The following AGK variants were observed in gnomAD, a reference collection of about 807,000 sequenced individuals.
AGK encodes acylglycerol kinase.
A neutral mutation model predicts 66.4 loss-of-function variants in AGK; 52 were observed. The observed-to-expected ratio is 0.78, with a 90% CI of 0.63 to 0.99. The LOEUF (loss-of-function observed/expected upper bound fraction) is 0.99, where lower values mean the gene tolerates loss of function less well. Ranked by LOEUF, AGK falls within the 50% of genes least tolerant of loss-of-function variation. The probability of loss-of-function intolerance (pLI) is 0.00; values close to 1 mark genes in which losing one functional copy is unlikely to be tolerated. For missense variants in AGK, 451 were observed against 506.6 expected, an observed-to-expected ratio of 0.89 and a Z score of 1.05; for synonymous variants, 182 against 181.1, an observed-to-expected ratio of 1.00 and a Z score of -0.04.
At chr7:141,648,802 T>G (rs965039857) in intron 13 of AGK, among the ~76,000 whole-genome samples, 3 of 152,200 alleles carry the variant, frequency 2.0e-5, no homozygotes, top group African/African-American at 7.2e-5. Flanking sequence ...CACACCAAAT[T>G]TGTATGTAGA....
chr7:141,610,540 C>A lies in AGK; in HGVS notation c.298-655C>A, dbSNP rs115445131. Among the ~76,000 whole-genome samples the A allele has an allele frequency of 1.0e-2, 1,518 of 152,230 alleles. 25 individuals carry two copies. Among genetic ancestry groups the A allele is most frequent in the African/African-American group, 0.035 (1,447 of 41,534 alleles). On this transcript the variant is annotated intron_variant, in intron 5 of 15. Coordinates refer to ENST00000649286, the MANE Select transcript of AGK (RefSeq NM_018238.4). ...GTAAGTCTTAGGCATTGTTTTGTGACTACTTTGAATCCTACCTGTATTTCT... is the reference window on the plus strand; with the variant it reads ...GTAAGTCTTAGGCATTGTTTTGTGAATACTTTGAATCCTACCTGTATTTCT...
chr7:141,606,290 T>C (rs1165114465), intron 5 of AGK, among the ~76,000 whole-genome samples: 2 of 152,186 alleles, frequency 1.3e-5, no homozygotes, highest in Non-Finnish European at 2.9e-5. Flanking sequence ...GTTTAAACAT[T>C]TCCGGTTTCT....
At chr7:141,641,213 T>G (rs745691238) in intron 11 of AGK, 35 bp from the exon 12 acceptor site, 2 of 1,593,122 alleles carry the variant, frequency 1.3e-6, no homozygotes, top group South Asian at 2.3e-5. Context: ...GAATTGTACA[T>G]GCATAACAAA....
intron 9 of AGK, among the ~76,000 whole-genome samples, chr7:141,629,441 A>T (rs540566887): frequency 6.6e-6 from 1 of 152,036 alleles, no homozygotes; most frequent in Non-Finnish European, 1.5e-5. Flanking sequence ...TTGACTGCCT[A>T]CCCAGATGAG....
chr7:141,613,522 G>A (rs1041496184), intron 6 of AGK, among the ~76,000 whole-genome samples: 5 of 152,170 alleles, frequency 3.3e-5, no homozygotes, highest in Admixed American at 2.6e-4. Flanking sequence ...GGGAGGCTGA[G>A]GCAGGAGAAT....
chr7:141,578,345 T>C (rs897766057), intron 2 of AGK, among the ~76,000 whole-genome samples: 2 of 151,806 alleles, frequency 1.3e-5, no homozygotes, highest in African/African-American at 4.9e-5. Context: ...CACAAGGTAA[T>C]GTCATCAGTT....
intron 9 of AGK, among the ~76,000 whole-genome samples, chr7:141,623,574 T>G (rs961619858): frequency 6.6e-6 from 1 of 152,170 alleles, no homozygotes; most frequent in Non-Finnish European, 1.5e-5. Flanking sequence ...GTGAAGAGGC[T>G]GCAGAAGAAA....
chr7:141,654,206 T>A lies in AGK; in HGVS notation c.*1282T>A, dbSNP rs912596382. 1.3e-5 allele frequency: 2 copies of A among 152,234 alleles called. No homozygotes were observed. Among genetic ancestry groups the A allele is most frequent in the African/African-American group, 4.8e-5 (2 of 41,462 alleles). The allele number at this position is 152,234 out of a possible 1,614,324, so 9.4% of individuals were successfully genotyped here. A position where few individuals can be genotyped will look rare whatever the true frequency, so the allele number is the denominator to read the frequency against. ...CAGAACCAATATTATCGTAATTAAT[T>A]ATTGGTATATAATGAAAACGGTATT... On this transcript the variant is annotated 3_prime_UTR_variant, in exon 16 of 16. Transcript: ENST00000649286.
chr7:141,633,936 C>A lies in AGK; in HGVS notation c.624C>A (p.Gly208=). 6.2e-7 allele frequency: 1 copy of A among 1,613,998 alleles called. No individual in the cohort carries two copies. Among genetic ancestry groups the A allele is most frequent in the Non-Finnish European group, 8.5e-7 (1 of 1,179,930 alleles). ...AACAGCCTGTATTTGCAATGACCGG[C>A]CTTCGATGGGGATCTTTCAGAGATG... is the stretch of plus-strand genomic sequence containing the variant. The part of the protein sequence containing the change: ...EKEQPVFAMT[G]LRWGSFRDAG... The change falls in exon 10 of 16, where the codon GGC becomes GGA. Residue 208 remains glycine, a synonymous_variant. Coordinates refer to ENST00000649286, the MANE Select transcript of AGK (RefSeq NM_018238.4).
chr7:141,568,772 C>T (rs566624000), intron 2 of AGK, among the ~76,000 whole-genome samples: 2 of 152,038 alleles, frequency 1.3e-5, no homozygotes, highest in African/African-American at 4.8e-5. Context: ...GATGGGGTTT[C>T]ACCATGTTGG....
chr7:141,638,984 A>G (rs1003638357), intron 11 of AGK, among the ~76,000 whole-genome samples: 4 of 152,186 alleles, frequency 2.6e-5, no homozygotes, highest in African/African-American at 9.7e-5. Flanking sequence ...ATGGCCAGGA[A>G]TATCCCTAAG....
chr7:141,617,000 G>A (rs1045247568), intron 8 of AGK, among the ~76,000 whole-genome samples: 4 of 151,846 alleles, frequency 2.6e-5, no homozygotes, highest in East Asian at 1.9e-4. Context: ...CTCGTGATCC[G>A]CCCGCCTCGG....
chr7:141,609,021 G>A (rs897009004), intron 5 of AGK, among the ~76,000 whole-genome samples: 5 of 151,992 alleles, frequency 3.3e-5, no homozygotes, highest in African/African-American at 7.3e-5. Flanking sequence ...AAATATTTGC[G>A]AATATGTAAC....
Position 141,596,455 on chromosome 7 carries a change from A to G in AGK, c.142-107A>G, listed in dbSNP as rs943209770. Reference sequence around the variant, plus strand: ...TGAAAGAATATTTTTCCCCAAGGGTAGATACCTTATGTGCTGCAAGTACAT... The same window carrying G: ...TGAAAGAATATTTTTCCCCAAGGGTGGATACCTTATGTGCTGCAAGTACAT... On this transcript the variant is annotated intron_variant, in intron 3 of 15. Coordinates refer to ENST00000649286, the MANE Select transcript of AGK (RefSeq NM_018238.4). The G allele has an allele frequency of 7.7e-6, 7 of 907,922 alleles. No homozygotes were observed. In the African/African-American group the frequency reaches 9.9e-5, roughly 13 times the overall value. The allele number at this position is 907,922 out of a possible 1,614,324, so 56.2% of individuals were successfully genotyped here. A position where few individuals can be genotyped will look rare whatever the true frequency, so the allele number is the denominator to read the frequency against.
At chr7:141,600,126 A>T (rs1796311157) in intron 4 of AGK, among the ~76,000 whole-genome samples, 1 of 152,206 alleles carries the variant, frequency 6.6e-6, no homozygotes, top group African/African-American at 2.4e-5. Flanking sequence ...AGGTCAAAGG[A>T]TACAGCCTTA....
At chr7:141,589,055 A>AT (rs1333632400) in intron 2 of AGK, among the ~76,000 whole-genome samples, 1 of 152,094 alleles carries the variant, frequency 6.6e-6, no homozygotes, top group Non-Finnish European at 1.5e-5. Context: ...GTGACTTAGA[A>AT]TGCCCTACCT....
At chr7:141,620,635 A>C (rs1796804211) in intron 8 of AGK, among the ~76,000 whole-genome samples, 1 of 152,152 alleles carries the variant, frequency 6.6e-6, no homozygotes, top group Non-Finnish European at 1.5e-5. Context: ...GTAATTGATA[A>C]ATTGCTGAAG....
chr7:141,623,409 A>G (rs1450787572), intron 9 of AGK, among the ~76,000 whole-genome samples: 1 of 144,704 alleles, frequency 6.9e-6, no homozygotes, highest in East Asian at 2.0e-4. Flanking sequence ...AAAAAGAAAG[A>G]AAAAAAAAAA....
intron 11 of AGK, among the ~76,000 whole-genome samples, chr7:141,640,071 A>T (rs533913488): frequency 6.6e-6 from 1 of 152,288 alleles, no homozygotes. Context: ...TCAGGGGCCC[A>T]CAATAAAACC....
Sources: gnomAD v4.1 joint callset for allele counts (sites outside exome capture counted in the v4.1 genomes callset) on GRCh38, gnomAD v4.1.1 for gene constraint, MANE v1.5 for transcripts, NCBI Gene and HGNC (gene_info 2026-07-23, HGNC 2026-07-21) for gene names.